Variants in SLC35F4 observed in about 807,000 individuals in gnomAD.
The protein encoded by SLC35F4 is chromosome 14 open reading frame 36.
SLC35F4 carries 24 observed loss-of-function variants against 44.2 expected under a neutral mutation model. That is an observed-to-expected ratio of 0.54 (90% confidence interval 0.39 to 0.76). The LOEUF (loss-of-function observed/expected upper bound fraction) is 0.76. Among genes scored for constraint, SLC35F4 ranks in the 30% least tolerant of loss-of-function variants. The probability of loss-of-function intolerance (pLI) is 0.00; values close to 1 mark genes in which losing one functional copy is unlikely to be tolerated. For missense variants in SLC35F4, 562 were observed against 586.1 expected, an observed-to-expected ratio of 0.96 and a Z score of 0.42; for synonymous variants, 238 against 223.6, an observed-to-expected ratio of 1.06 and a Z score of -0.57.
intron 1 of SLC35F4, among the ~76,000 whole-genome samples, chr14:57,835,405 A>G (rs1201742475): frequency 6.6e-6 from 1 of 152,216 alleles, no homozygotes; most frequent in East Asian, 1.9e-4. Flanking sequence ...GTCATAATGG[A>G]AAAATTTGCA....
At chr14:57,610,794 C>T (rs1265636253) in intron 1 of SLC35F4, among the ~76,000 whole-genome samples, 1 of 152,194 alleles carries the variant, frequency 6.6e-6, no homozygotes, top group East Asian at 1.9e-4. Flanking sequence ...AATGTATTTA[C>T]TGAGTATCTC....
At chr14:57,730,649 A>T (rs78651857) in intron 1 of SLC35F4, among the ~76,000 whole-genome samples, 1,847 of 152,328 alleles carry the variant, frequency 0.012, 33 homozygotes, top group East Asian at 0.043. Flanking sequence ...ATCTAAACTT[A>T]ATAAAAATAT....
At chr14:57,850,918 A>G (rs981152984) in intron 1 of SLC35F4, among the ~76,000 whole-genome samples, 3 of 152,200 alleles carry the variant, frequency 2.0e-5, no homozygotes, top group Admixed American at 1.3e-4. Context: ...TTGAATACTA[A>G]TGAAATAATA....
At chr14:57,776,099 GAAAGA>G (rs1555386594) in intron 1 of SLC35F4, among the ~76,000 whole-genome samples, 2 of 152,212 alleles carry the variant, frequency 1.3e-5, no homozygotes, top group Non-Finnish European at 2.9e-5. Context: ...GAGAATAAAA[GAAAGA>G]AAAGAAAAGG....
At chr14:57,668,606 G>A (rs896286797) in intron 1 of SLC35F4, among the ~76,000 whole-genome samples, 2 of 152,012 alleles carry the variant, frequency 1.3e-5, no homozygotes, top group African/African-American at 4.8e-5. Flanking sequence ...CCCATTTCTT[G>A]TTTTTGTCAG....
rs111806536 is a variant in SLC35F4, at chr14:57,600,616, C to A, written c.104-6492G>T. Among the ~76,000 whole-genome samples, 557 of 129,652 alleles carry A rather than the reference C, an allele frequency of 4.3e-3. 7 individuals are homozygous for A. Among genetic ancestry groups the A allele is most frequent in the African/African-American group, 0.016 (535 of 34,384 alleles). 85.1% of individuals were successfully genotyped at this position (129,652 alleles called of 152,430 possible). On this transcript the variant is annotated intron_variant, in intron 1 of 7. Transcript: ENST00000556826. The stretch of plus-strand genomic sequence containing the variant: ...CTGAGGCAGGAGAATGGCGTGAACC[C>A]GGGAGGCGGAGCTTGCAGTGAGCCG...
intron 1 of SLC35F4, among the ~76,000 whole-genome samples, chr14:57,701,485 T>C (rs2075540099): frequency 6.6e-6 from 1 of 152,218 alleles, no homozygotes; most frequent in Non-Finnish European, 1.5e-5. Context: ...TATCAAGTAT[T>C]ATATACCATA....
At chr14:57,862,223 T>C (rs1457578067) in intron 1 of SLC35F4, among the ~76,000 whole-genome samples, 1 of 152,172 alleles carries the variant, frequency 6.6e-6, no homozygotes, top group Non-Finnish European at 1.5e-5. Context: ...GGTACCCTAT[T>C]GGCTCTAATT....
intron 1 of SLC35F4, among the ~76,000 whole-genome samples, chr14:57,721,819 C>T (rs901376157): frequency 3.9e-5 from 6 of 152,156 alleles, no homozygotes; most frequent in African/African-American, 1.4e-4. Flanking sequence ...CTCCCCAACC[C>T]ATGCTGCCAT....
intron 1 of SLC35F4, among the ~76,000 whole-genome samples, chr14:57,911,964 T>G (rs1889224295): frequency 6.6e-6 from 1 of 152,028 alleles, no homozygotes; most frequent in African/African-American, 2.4e-5. Context: ...TTAACAGGTA[T>G]AGGCTTAATC....
intron 1 of SLC35F4, among the ~76,000 whole-genome samples, chr14:57,948,725 A>T (rs978460661): frequency 1.3e-5 from 2 of 152,096 alleles, no homozygotes; most frequent in Non-Finnish European, 2.9e-5. Flanking sequence ...AGGTTTTGAT[A>T]AGTTGTGACA....
Position 57,589,272 on chromosome 14 carries a change from A to ATAGAC in SLC35F4, c.526_530dup (p.Tyr177Ter), listed in dbSNP as rs753914873. ...GAGCAGTGGCTAGATGACCAGAATAATAGACTGGGAAAAACATAATGTTCC... is the reference window on the plus strand; with the variant it reads ...GAGCAGTGGCTAGATGACCAGAATAATAGACTAGACTGGGAAAAACATAATGTTCC... On this transcript the variant is annotated stop_gained and frameshift_variant, in exon 3 of 8. Transcript: ENST00000556826. LOFTEE classifies it high-confidence loss of function. 2 of 1,613,880 alleles carry ATAGAC rather than the reference A, an allele frequency of 1.2e-6. No individual in the cohort carries two copies. Among genetic ancestry groups the ATAGAC allele is most frequent in the East Asian group, 2.2e-5 (1 of 44,890 alleles).
chr14:57,905,613 A>AC (rs1479711947), intron 1 of SLC35F4, among the ~76,000 whole-genome samples: 3 of 152,216 alleles, frequency 2.0e-5, no homozygotes. Context: ...ACTGAACCTT[A>AC]GAGTACTTTT....
chr14:57,947,368 G>A (rs1269853169), intron 1 of SLC35F4, among the ~76,000 whole-genome samples: 1 of 151,772 alleles, frequency 6.6e-6, no homozygotes, highest in East Asian at 1.9e-4. Flanking sequence ...ACTGATTTGT[G>A]TATATTGATT....
intron 1 of SLC35F4, among the ~76,000 whole-genome samples, chr14:57,645,033 ATAGTT>A (rs1382730768): frequency 1.3e-5 from 2 of 152,170 alleles, no homozygotes; most frequent in African/African-American, 4.8e-5. Flanking sequence ...GCCTTGTAGT[ATAGTT>A]TAAAGTCAGG....
chr14:57,858,023 G>C (rs982669566), intron 1 of SLC35F4, among the ~76,000 whole-genome samples: 2 of 151,962 alleles, frequency 1.3e-5, no homozygotes, highest in Non-Finnish European at 2.9e-5. Flanking sequence ...TAAAAAGTTG[G>C]GAAACAACAG....
intron 1 of SLC35F4, among the ~76,000 whole-genome samples, chr14:57,955,760 A>G (rs1254520207): frequency 3.3e-5 from 5 of 152,212 alleles, no homozygotes; most frequent in Admixed American, 3.3e-4. Flanking sequence ...TTCAAGAAGA[A>G]CTACAAACCA....
intron 1 of SLC35F4, among the ~76,000 whole-genome samples, chr14:57,724,348 T>C (rs1320021030): frequency 1.3e-5 from 2 of 152,178 alleles, no homozygotes; most frequent in African/African-American, 2.4e-5. Flanking sequence ...AGCAAGGCCC[T>C]GCCATCTTCT....
At chr14:57,798,121 CAAAAAAAAA>C (rs60685029) in intron 1 of SLC35F4, among the ~76,000 whole-genome samples, 2 of 42,068 alleles carry the variant, frequency 4.8e-5, no homozygotes, top group African/African-American at 1.5e-4. Context: ...GACCCACGAG[CAAAAAAAAA>C]AAAAAAAAAA....
Sources: allele counts gnomAD v4.1 joint callset (sites outside exome capture counted in the v4.1 genomes callset), GRCh38; gene constraint gnomAD v4.1.1; transcripts MANE v1.5; gene names NCBI Gene and HGNC (gene_info 2026-07-23, HGNC 2026-07-21).